CASK: variants seen among roughly 807,000 people sequenced by gnomAD.
CASK encodes the protein calcium/calmodulin dependent serine protein kinase.
In CASK, 4 loss-of-function variants were observed where a neutral mutation model predicts 82.9. The ratio of observed to expected loss-of-function variants is 0.05; its 90% CI spans 0.02 to 0.11. CASK has a LOEUF of 0.11. Ranked by LOEUF, CASK falls within the 10% of genes least tolerant of loss-of-function variation. CASK has a pLI of 1.00. For synonymous variants in CASK, 259 were observed against 253.5 expected (o/e 1.02, Z -0.20); for missense variants, 358 against 720.9 (o/e 0.50, Z 5.76).
intron 6 of CASK, among the ~76,000 whole-genome samples, chrX:41,667,882 G>A: frequency 8.9e-6 from 1 of 111,927 alleles, no homozygotes. Flanking sequence ...AGGAACTTCA[G>A]AGGTATGCAA....
At chrX:41,613,704 T>C (rs754030491) in intron 11 of CASK, among the ~76,000 whole-genome samples, 1 of 103,104 alleles carries the variant, frequency 9.7e-6, no homozygotes, top group Admixed American at 1.0e-4. Context: ...CCAGTTACGA[T>C]AAAAAACCAA....
rs192849651 is a variant in CASK at position 41,909,234 on chromosome X, C to A, written c.59+13696G>T. ...GATCCACACTTTGAAAACCACTGAT[C>A]TAAACCTCACTGACTAAACAGGATG... On this transcript the variant is annotated intron_variant, in intron 1 of 26. Coordinates refer to ENST00000378163, the MANE Select transcript of CASK (RefSeq NM_001367721.1). Among the ~76,000 whole-genome samples, 234 of 112,198 alleles carry A rather than the reference C, an allele frequency of 2.1e-3. 1 individual carries two copies. The highest frequency in any genetic ancestry group is 2.2e-3 in the South Asian group (6 of 2,683).
intron 1 of CASK, among the ~76,000 whole-genome samples, chrX:41,886,984 T>A (rs2072060388): frequency 9.0e-6 from 1 of 110,873 alleles, no homozygotes. Flanking sequence ...GATTTAGAGA[T>A]TTGTACACAC....
At chrX:41,854,332 A>G (rs753101313) in intron 1 of CASK, among the ~76,000 whole-genome samples, 139 of 111,728 alleles carry the variant, frequency 1.2e-3, no homozygotes, top group African/African-American at 4.0e-3. Context: ...GATAATCCAA[A>G]TATAGATTTG....
intron 15 of CASK, among the ~76,000 whole-genome samples, chrX:41,571,314 T>C (rs773640011): frequency 2.7e-4 from 30 of 112,377 alleles, no homozygotes; most frequent in African/African-American, 6.1e-4. Context: ...CTTTGAGGAA[T>C]AGTTTTTAAC....
At chrX:41,611,502 A>T (rs1191083865) in intron 11 of CASK, among the ~76,000 whole-genome samples, 1 of 111,927 alleles carries the variant, frequency 8.9e-6, no homozygotes, top group Non-Finnish European at 1.9e-5. Context: ...AGGTTATAGA[A>T]TATCCATATA....
At chrX:41,882,330 C>T (rs1044088726) in intron 1 of CASK, among the ~76,000 whole-genome samples, 6 of 111,446 alleles carry the variant, frequency 5.4e-5, no homozygotes, top group Non-Finnish European at 1.1e-4. Flanking sequence ...AATCAAGAAA[C>T]ACTGAAAGGT....
intron 17 of CASK, among the ~76,000 whole-genome samples, chrX:41,560,111 T>C (rs992626535): frequency 8.9e-6 from 1 of 112,005 alleles, no homozygotes; most frequent in African/African-American, 3.2e-5. Context: ...TTTTTATAGA[T>C]GTGAATACAA....
intron 8 of CASK, among the ~76,000 whole-genome samples, chrX:41,648,491 C>T (rs1314660527): frequency 9.0e-6 from 1 of 111,108 alleles, no homozygotes; most frequent in Non-Finnish European, 1.9e-5. Flanking sequence ...ATACTCCCTC[C>T]CCTTTTGAAA....
chrX:41,545,883 G>C (rs1220790007), intron 21 of CASK, among the ~76,000 whole-genome samples: 1 of 108,767 alleles, frequency 9.2e-6, no homozygotes, highest in Non-Finnish European at 1.9e-5. Context: ...ATGCGGTGGT[G>C]CAATCTTGGC....
At chrX:41,764,110 G>C (rs1368102674) in intron 3 of CASK, among the ~76,000 whole-genome samples, 1 of 111,871 alleles carries the variant, frequency 8.9e-6, no homozygotes, top group African/African-American at 3.3e-5. Context: ...TGCAGAGCAT[G>C]AACACTCGAC....
intron 8 of CASK, among the ~76,000 whole-genome samples, chrX:41,646,418 T>C (rs1433809931): frequency 9.0e-6 from 1 of 111,126 alleles, no homozygotes; most frequent in Non-Finnish European, 1.9e-5. Flanking sequence ...CTTATTTTAC[T>C]TCTTATCAGG....
At chrX:41,648,916 T>C (rs2066812219) in intron 8 of CASK, among the ~76,000 whole-genome samples, 1 of 111,699 alleles carries the variant, frequency 9.0e-6, no homozygotes, top group African/African-American at 3.3e-5. Flanking sequence ...CTATTAATTA[T>C]TGCCTCAATT....
At chrX:41,788,410 C>T (rs904628329) in intron 2 of CASK, among the ~76,000 whole-genome samples, 4 of 111,352 alleles carry the variant, frequency 3.6e-5, no homozygotes, top group Non-Finnish European at 7.5e-5. Context: ...GGGCTTTACC[C>T]GTTTGCTGAT....
At chrX:41,743,095 C>T (rs2068622423) in intron 4 of CASK, among the ~76,000 whole-genome samples, 1 of 112,232 alleles carries the variant, frequency 8.9e-6, no homozygotes, top group African/African-American at 3.2e-5. Flanking sequence ...CTTCACACTA[C>T]CATCCTGCTT....
At chrX:41,761,571 G>C (rs1349867134) in intron 3 of CASK, among the ~76,000 whole-genome samples, 2 of 112,086 alleles carry the variant, frequency 1.8e-5, no homozygotes, top group African/African-American at 6.5e-5. Context: ...ATTGGTATTT[G>C]TAAAACTATA....
intron 2 of CASK, among the ~76,000 whole-genome samples, chrX:41,848,021 G>A (rs945429156): frequency 3.6e-5 from 4 of 112,303 alleles, no homozygotes; most frequent in Admixed American, 2.8e-4. Flanking sequence ...TAGAGAATAC[G>A]TTGTAGCTTT....
intron 5 of CASK, among the ~76,000 whole-genome samples, chrX:41,680,551 T>C (rs1458619536): frequency 1.8e-5 from 2 of 110,611 alleles, no homozygotes; most frequent in Non-Finnish European, 3.8e-5. Context: ...GTACTAGGCA[T>C]ATTATTTTTA....
chrX:41,652,166 G>A (rs2066874369), intron 8 of CASK, among the ~76,000 whole-genome samples: 1 of 111,308 alleles, frequency 9.0e-6, no homozygotes, highest in South Asian at 3.8e-4. Context: ...AAATGTGCCT[G>A]CAGTCTGAAG....
Sources: gnomAD v4.1 joint callset for allele counts (sites outside exome capture counted in the v4.1 genomes callset) on GRCh38, gnomAD v4.1.1 for gene constraint, MANE v1.5 for transcripts, NCBI Gene and HGNC (gene_info 2026-07-23, HGNC 2026-07-21) for gene names.